Variants in CDCA7 observed in about 807,000 individuals in gnomAD.
CDCA7 encodes cell division cycle-associated protein 7.
Under a neutral mutation model 54.0 loss-of-function variants are expected in CDCA7, and 28 were observed. The observed-to-expected ratio is 0.52, with a 90% CI of 0.38 to 0.71. CDCA7 has a LOEUF of 0.71. CDCA7 is among the 30% of genes least tolerant of loss of function. CDCA7 has a pLI of 0.00. For synonymous variants in CDCA7, 180 were observed against 208.2 expected, an observed-to-expected ratio of 0.86 and a Z score of 1.16; for missense variants, 484 against 586.0, an observed-to-expected ratio of 0.83 and a Z score of 1.80.
Position 173,356,918 on chromosome 2 carries a change from T to C in CDCA7, c.22-1794T>C, listed in dbSNP as rs111792956. Among the ~76,000 whole-genome samples the C allele has an allele frequency of 4.2e-3, 635 of 152,354 alleles. 4 individuals are homozygous for C. Among genetic ancestry groups the C allele is most frequent in the South Asian group, 0.026 (124 of 4,828 alleles). On this transcript the variant is annotated intron_variant, in intron 1 of 9. Coordinates refer to ENST00000306721, the MANE Select transcript of CDCA7 (RefSeq NM_031942.5). ...ATTGAACGGAGTTTACTTAGGGGTA[T>C]AGGGATGTTGGGAGTGCCATCATCA...
rs1308735063 is a variant in CDCA7, at chr2:173,367,253, A to G, written c.1289A>G (p.His430Arg). The change falls in exon 9 of 10, where the codon CAT becomes CGT. Residue 430 changes from histidine to arginine, a missense_variant. Around this residue, in one of 3 missense-constraint regions of CDCA7, gnomAD observed 83 missense variants for 122.3 expected, o/e 0.68. Coordinates refer to ENST00000306721, the MANE Select transcript of CDCA7 (RefSeq NM_031942.5). ...TGVLVYLAKYHGFGNVHAYLK... is the reference protein window; with the variant it reads ...TGVLVYLAKYRGFGNVHAYLK... ...GTCCTTGTGTATTTAGCCAAATATC[A>G]TGGCTTTGGGAATGTGCATGCCTAC... The G allele has an allele frequency of 1.2e-6, 2 of 1,613,908 alleles. No homozygotes were observed. The highest frequency in any genetic ancestry group is 2.2e-5 in the East Asian group (1 of 44,868).
At position 173,354,929 on chromosome 2, in the gene CDCA7, C is replaced by G. The variant is rs140629025; in HGVS notation, c.-35C>G. 2 of 1,478,634 alleles carry G rather than the reference C, an allele frequency of 1.4e-6. No homozygotes were observed. Among genetic ancestry groups the G allele is most frequent in the East Asian group, 3.0e-5 (1 of 33,542 alleles). The allele number at this position is 1,478,634 out of a possible 1,614,324, so 91.6% of individuals were successfully genotyped here. On this transcript the variant is annotated 5_prime_UTR_variant, in exon 1 of 10. Coordinates refer to ENST00000306721, the MANE Select transcript of CDCA7 (RefSeq NM_031942.5). ...GACCGCGCGGCTGCTCCGCTCTCCC[C>G]GCTCCAAGCGCCGATCTGGGCACCC...
At chr2:173,364,204 A>G (rs1686674877) in intron 5 of CDCA7, 1 of 250,980 alleles carries the variant, frequency 4.0e-6, no homozygotes. Context: ...CAGTGTGAGC[A>G]CATTCCTCCT....
In CDCA7 at chr2:173,354,939, G is replaced by A. The variant is rs1330884404; in HGVS notation, c.-25G>A. The A allele has an allele frequency of 2.7e-6, 4 of 1,467,794 alleles. No individual in the cohort carries two copies. Among genetic ancestry groups the A allele is most frequent in the South Asian group, 1.3e-5 (1 of 77,480 alleles). 90.9% of individuals were successfully genotyped at this position (1,467,794 alleles called of 1,614,324 possible). A position where few individuals can be genotyped will look rare whatever the true frequency, so the allele number is the denominator to read the frequency against. ...CTGCTCCGCTCTCCCCGCTCCAAGCGCCGATCTGGGCACCCGCCACCAGCA... is the reference window on the plus strand; with the variant it reads ...CTGCTCCGCTCTCCCCGCTCCAAGCACCGATCTGGGCACCCGCCACCAGCA... On this transcript the variant is annotated 5_prime_UTR_variant, in exon 1 of 10. Coordinates refer to ENST00000306721, the MANE Select transcript of CDCA7 (RefSeq NM_031942.5).
chr2:173,366,345 A>T lies in CDCA7; in HGVS notation c.1098A>T (p.Pro366=). The part of the protein sequence containing the change: ...TIDTKTNCRN[P]DCWGVRGQFC... Reference sequence around the variant, plus strand: ...ATACCAAAACAAACTGCAGAAACCCAGACTGCTGGGGCGTTCGAGGCCAGT... The same window carrying T: ...ATACCAAAACAAACTGCAGAAACCCTGACTGCTGGGGCGTTCGAGGCCAGT... The change falls in exon 8 of 10, where the codon CCA becomes CCT. Residue 366 remains proline, a synonymous_variant. Transcript: ENST00000306721. The surrounding 1 kb of genome is among the most constrained non-coding windows in gnomAD (Gnocchi z 4.5). The T allele has an allele frequency of 6.2e-7, 1 of 1,613,918 alleles. No homozygotes were observed. The highest frequency in any genetic ancestry group is 1.1e-5 in the South Asian group (1 of 91,064).
Position 173,366,595 on chromosome 2 carries a change from G to A in CDCA7, c.1185+163G>A, listed in dbSNP as rs1686725857. On this transcript the variant is annotated intron_variant, in intron 8 of 9. Coordinates refer to ENST00000306721, the MANE Select transcript of CDCA7 (RefSeq NM_031942.5). This position sits in a 1 kb window ranked among gnomAD's most constrained non-coding sequence, Gnocchi z 4.5. ...CATTCTGTCGCCAGGCTGCAGTGCA[G>A]TGGCGCGATCTCAGCTCACTGCAAC... Among the ~76,000 whole-genome samples the A allele has an allele frequency of 6.6e-6, 1 of 152,134 alleles. No individual in the cohort carries two copies. The highest frequency in any genetic ancestry group is 2.4e-5 in the African/African-American group (1 of 41,422).
rs1686751618 is a variant in CDCA7, at chr2:173,367,806, C to T, written c.*142C>T. The T allele has an allele frequency of 1.1e-6, 1 of 916,936 alleles. No homozygotes were observed. Among genetic ancestry groups the T allele is most frequent in the African/African-American group, 1.7e-5 (1 of 60,410 alleles). 56.8% of individuals were successfully genotyped at this position (916,936 alleles called of 1,614,324 possible). A position where few individuals can be genotyped will look rare whatever the true frequency, so the allele number is the denominator to read the frequency against. Reference sequence around the variant, plus strand: ...CTCCAATCAAGTTAATCTTAGCAGACATGTGTTTCTGGAGCATCACAGAAG... The same window carrying T: ...CTCCAATCAAGTTAATCTTAGCAGATATGTGTTTCTGGAGCATCACAGAAG... On this transcript the variant is annotated 3_prime_UTR_variant, in exon 10 of 10. Coordinates refer to ENST00000306721, the MANE Select transcript of CDCA7 (RefSeq NM_031942.5).
intron 1 of CDCA7, among the ~76,000 whole-genome samples, chr2:173,355,533 C>T (rs1686482010): frequency 6.6e-6 from 1 of 152,232 alleles, no homozygotes; most frequent in African/African-American, 2.4e-5. Context: ...GAACCGGTCT[C>T]CTAGAACTTG....
chr2:173,365,091 C>A, intron 6 of CDCA7, 102 bp downstream of exon 6: 1 of 1,409,646 alleles, frequency 7.1e-7, no homozygotes, highest in Non-Finnish European at 9.2e-7. Context: ...ACCAGGCGAT[C>A]CATAGTAAAT....
intron 5 of CDCA7, 27 bp downstream of exon 5, chr2:173,363,922 A>G (rs1185337969): frequency 5.6e-6 from 9 of 1,602,056 alleles, no homozygotes; most frequent in African/African-American, 4.0e-5. Context: ...GTTTATATAC[A>G]GTAGTGTTTT....
chr2:173,367,721 C>G lies in CDCA7; in HGVS notation c.*57C>G. 1 of 1,579,594 alleles carries G rather than the reference C, an allele frequency of 6.3e-7. No homozygotes were observed. The highest frequency in any genetic ancestry group is 8.7e-7 in the Non-Finnish European group (1 of 1,150,506). On this transcript the variant is annotated 3_prime_UTR_variant, in exon 10 of 10. Coordinates refer to ENST00000306721, the MANE Select transcript of CDCA7 (RefSeq NM_031942.5). ...TCTCAAATCTTTCTTGTAAAAGTTTCCAATTTTTTCACTGAAACCTGAGTT... is the reference window on the plus strand; with the variant it reads ...TCTCAAATCTTTCTTGTAAAAGTTTGCAATTTTTTCACTGAAACCTGAGTT...
intron 1 of CDCA7, among the ~76,000 whole-genome samples, chr2:173,356,815 C>G (rs1467884000): frequency 1.3e-5 from 2 of 152,194 alleles, no homozygotes; most frequent in African/African-American, 4.8e-5. Flanking sequence ...TACACCTAAC[C>G]TTTATATTTA....
chr2:173,358,234 A>G (rs995577703), intron 1 of CDCA7, among the ~76,000 whole-genome samples: 7 of 151,292 alleles, frequency 4.6e-5, no homozygotes, highest in African/African-American at 1.7e-4. Context: ...ACCTGGTTTT[A>G]AAGATTTTTG....
rs751924350 is a variant in CDCA7, at chr2:173,363,326, G to A, written c.485G>A (p.Gly162Glu). The change falls in exon 4 of 10, where the codon GGA becomes GAA. Residue 162 changes from glycine (G) to glutamate (E), a missense_variant. This residue lies in a region of CDCA7 where 398 missense variants were observed against 447.4 expected (regional missense o/e 0.89). Transcript: ENST00000306721. ...AMKFPARSTRGATNKKAESRQ... is the reference protein window; with the variant it reads ...AMKFPARSTREATNKKAESRQ... Reference sequence around the variant, plus strand: ...AAGTTTCCAGCGCGGAGTACCAGGGGAGCAACCAACAAAAAAGCAGAGTCC... The same window carrying A: ...AAGTTTCCAGCGCGGAGTACCAGGGAAGCAACCAACAAAAAAGCAGAGTCC... The A allele has an allele frequency of 3.1e-6, 5 of 1,614,118 alleles. No homozygotes were observed. The South Asian group carries it at 5.5e-5, about 18-fold the overall frequency.
chr2:173,367,305 T>TC lies in CDCA7; in HGVS notation c.1322+22dup. The TC allele has an allele frequency of 5.0e-6, 8 of 1,613,990 alleles. No individual in the cohort carries two copies. Among genetic ancestry groups the TC allele is most frequent in the Non-Finnish European group, 6.8e-6 (8 of 1,179,936 alleles). On this transcript the variant is annotated intron_variant, in intron 9 of 9. Transcript: ENST00000306721. Reference sequence around the variant, plus strand: ...TGAAAAGGTAGTGGGTGTTTTTTTTTCCCTTCCACATCTGAATTTTATATT... The same window carrying TC: ...TGAAAAGGTAGTGGGTGTTTTTTTTTCCCCTTCCACATCTGAATTTTATATT...
At chr2:173,358,904 C>T (rs894610133) in intron 2 of CDCA7, 67 bp downstream of exon 2, 13 of 1,556,514 alleles carry the variant, frequency 8.4e-6, no homozygotes, top group Middle Eastern at 1.7e-4. Flanking sequence ...ATGCTTTGTG[C>T]GTGATTAAAA....
At chr2:173,355,965 C>G (rs1184817933) in intron 1 of CDCA7, among the ~76,000 whole-genome samples, 1 of 152,120 alleles carries the variant, frequency 6.6e-6, no homozygotes, top group Non-Finnish European at 1.5e-5. Context: ...GTCTTGGAAC[C>G]TGACATGCCT....
chr2:173,358,527 T>C, intron 1 of CDCA7, 185 bp from the exon 2 acceptor site: 2 of 534,636 alleles, frequency 3.7e-6, no homozygotes, highest in Non-Finnish European at 3.2e-6. Flanking sequence ...GAGATCCTGC[T>C]TCTTACAAAA....
chr2:173,358,157 G>T (rs1280915852), intron 1 of CDCA7, among the ~76,000 whole-genome samples: 1 of 142,882 alleles, frequency 7.0e-6, no homozygotes, highest in African/African-American at 2.6e-5. Flanking sequence ...CCGAGATCGC[G>T]CCACTGCACT....
Sources: gnomAD v4.1 joint callset for allele counts (sites outside exome capture counted in the v4.1 genomes callset) on GRCh38, gnomAD v4.1.1 for gene constraint, gnomAD v4.1.1 regional missense constraint, Gnocchi (gnomAD v3.1) non-coding constraint, MANE v1.5 for transcripts, NCBI Gene and HGNC (gene_info 2026-07-23, HGNC 2026-07-21) for gene names.